RABGAP1L: variants seen among roughly 807,000 people sequenced by gnomAD.
The protein encoded by RABGAP1L is rab GTPase-activating protein 1-like.
In RABGAP1L, 63 loss-of-function variants were observed where a neutral mutation model predicts 137.7. That is an observed-to-expected ratio of 0.46 (90% confidence interval 0.37 to 0.56). The LOEUF (loss-of-function observed/expected upper bound fraction) is 0.56, where lower values mean the gene tolerates loss of function less well. Ranked by LOEUF, RABGAP1L falls within the 20% of genes least tolerant of loss-of-function variation. The pLI is 0.00. For missense variants in RABGAP1L, 1,095 were observed against 1,244.0 expected, an observed-to-expected ratio of 0.88 and a Z score of 1.80; for synonymous variants, 431 against 433.7, an observed-to-expected ratio of 0.99 and a Z score of 0.08.
intron 13 of RABGAP1L, among the ~76,000 whole-genome samples, chr1:174,619,722 C>G (rs940336335): frequency 1.3e-5 from 2 of 152,202 alleles, no homozygotes; most frequent in African/African-American, 4.8e-5. Context: ...TAGGAAGAAA[C>G]TGCATCAACT....
chr1:174,820,618 C>G (rs1006546205), intron 19 of RABGAP1L, among the ~76,000 whole-genome samples: 1 of 152,112 alleles, frequency 6.6e-6, no homozygotes, highest in Non-Finnish European at 1.5e-5. Context: ...AATTATTGGA[C>G]TCAGGAAGAA....
intron 19 of RABGAP1L, among the ~76,000 whole-genome samples, chr1:174,952,217 T>C (rs532659836): frequency 5.3e-5 from 8 of 151,078 alleles, no homozygotes; most frequent in African/African-American, 1.7e-4. Flanking sequence ...AAGATCTTGT[T>C]TGGGCCAGGC....
intron 13 of RABGAP1L, among the ~76,000 whole-genome samples, chr1:174,415,744 G>T (rs956796966): frequency 6.6e-6 from 1 of 151,842 alleles, no homozygotes; most frequent in Admixed American, 6.6e-5. Context: ...TCTAAGTAAG[G>T]CTCCATTTCT....
chr1:174,497,023 A>G (rs1357143703), intron 13 of RABGAP1L, among the ~76,000 whole-genome samples: 1 of 152,228 alleles, frequency 6.6e-6, no homozygotes, highest in African/African-American at 2.4e-5. Context: ...TCCAGCATAC[A>G]CACACATGTG....
chr1:174,894,795 C>T (rs1025288749), intron 19 of RABGAP1L, among the ~76,000 whole-genome samples: 1 of 152,032 alleles, frequency 6.6e-6, no homozygotes, highest in South Asian at 2.1e-4. Flanking sequence ...GTTGCTCTGT[C>T]GCCCTGGCTG....
chr1:174,589,043 T>C (rs12082139), intron 13 of RABGAP1L, among the ~76,000 whole-genome samples: 59,479 of 152,050 alleles, frequency 0.39, 14,701 homozygotes, highest in African/African-American at 0.7. Context: ...TTCATAGTGG[T>C]TGCACTAATT....
At chr1:174,743,137 C>T (rs1307267776) in intron 17 of RABGAP1L, among the ~76,000 whole-genome samples, 2 of 152,148 alleles carry the variant, frequency 1.3e-5, no homozygotes, top group Non-Finnish European at 2.9e-5. Context: ...GAGATGGGAG[C>T]TCAGTCTCAA....
At chr1:174,544,474 C>G (rs6692173) in intron 13 of RABGAP1L, among the ~76,000 whole-genome samples, 59,310 of 152,006 alleles carry the variant, frequency 0.39, 14,599 homozygotes, top group African/African-American at 0.7. Context: ...TGTCTATGCT[C>G]TTTATTCTAG....
intron 19 of RABGAP1L, chr1:174,849,723 G>T (rs914897842): frequency 1.1e-5 from 5 of 451,080 alleles, no homozygotes; most frequent in South Asian, 5.0e-5. Context: ...TTCTGAATTC[G>T]CATCTTTCTG....
chr1:174,963,775 A>G (rs544499925), intron 20 of RABGAP1L, among the ~76,000 whole-genome samples: 19 of 152,138 alleles, frequency 1.2e-4, no homozygotes, highest in African/African-American at 3.6e-4. Context: ...CTGGTTTTGT[A>G]TGACATTTGT....
chr1:174,204,968 C>T (rs910182632), intron 1 of RABGAP1L, among the ~76,000 whole-genome samples: 12 of 152,186 alleles, frequency 7.9e-5, no homozygotes, highest in Non-Finnish European at 1.5e-4. Flanking sequence ...GTGAAATCTC[C>T]TTTCTTCATA....
At chr1:174,215,957 C>T (rs989006112) in intron 1 of RABGAP1L, among the ~76,000 whole-genome samples, 4 of 152,182 alleles carry the variant, frequency 2.6e-5, no homozygotes, top group Admixed American at 1.3e-4. Context: ...GAGTACTATT[C>T]AGCCATAAAG....
intron 13 of RABGAP1L, among the ~76,000 whole-genome samples, chr1:174,496,251 T>C (rs1175141368): frequency 1.3e-5 from 2 of 152,212 alleles, no homozygotes; most frequent in Non-Finnish European, 2.9e-5. Flanking sequence ...GAAAATCCTT[T>C]CCAGTGTTGA....
At chr1:174,357,944 C>T (rs1272787162) in intron 11 of RABGAP1L, among the ~76,000 whole-genome samples, 1 of 152,238 alleles carries the variant, frequency 6.6e-6, no homozygotes, top group African/African-American at 2.4e-5. Context: ...TTATTTCTTA[C>T]AGCCACTCTC....
At chr1:174,667,863 A>C (rs1214889360) in intron 14 of RABGAP1L, among the ~76,000 whole-genome samples, 1 of 152,124 alleles carries the variant, frequency 6.6e-6, no homozygotes, top group Non-Finnish European at 1.5e-5. Context: ...GGGAGCATGG[A>C]CTATGTCTTT....
intron 13 of RABGAP1L, among the ~76,000 whole-genome samples, chr1:174,622,775 A>T (rs1294497271): frequency 2.0e-5 from 3 of 152,232 alleles, no homozygotes; most frequent in Non-Finnish European, 2.9e-5. Flanking sequence ...TAATGGGTGC[A>T]GCACACCAGC....
intron 19 of RABGAP1L, among the ~76,000 whole-genome samples, chr1:174,928,466 T>G (rs964425125): frequency 2.0e-5 from 3 of 151,738 alleles, no homozygotes; most frequent in Non-Finnish European, 4.4e-5. Context: ...CGTATAATGA[T>G]GAATAAACAA....
At chr1:174,739,106 T>C (rs1377897063) in intron 17 of RABGAP1L, among the ~76,000 whole-genome samples, 1 of 152,196 alleles carries the variant, frequency 6.6e-6, no homozygotes, top group African/African-American at 2.4e-5. Flanking sequence ...GAAAGAACTT[T>C]CAGCATGAGT....
chr1:174,413,061 A>G (rs749720029), intron 13 of RABGAP1L, among the ~76,000 whole-genome samples: 13 of 152,096 alleles, frequency 8.5e-5, no homozygotes, highest in Admixed American at 2.0e-4. Flanking sequence ...TGTTTTTCAG[A>G]TTGTTTACTT....
Sources: gnomAD v4.1 joint callset for allele counts (sites outside exome capture counted in the v4.1 genomes callset) on GRCh38, gnomAD v4.1.1 for gene constraint, MANE v1.5 for transcripts, NCBI Gene and HGNC (gene_info 2026-07-23, HGNC 2026-07-21) for gene names.